Variants in LOC400499 observed in about 807,000 individuals in gnomAD.
the LOC400499 span, chr16:11,387,008 TG>T: frequency 1.1e-6 from 1 of 922,020 alleles, no homozygotes; most frequent in Non-Finnish European, 1.4e-6. Context: ...CAGTAAGCTC[TG>T]GGCCTGGCAC....
the LOC400499 span, chr16:11,411,477 C>A: frequency 7.6e-6 from 3 of 396,842 alleles, no homozygotes; most frequent in African/African-American, 2.1e-5. Flanking sequence ...TATTCACACA[C>A]CCCGAGGCCC....
the LOC400499 span, among the ~76,000 whole-genome samples, chr16:11,427,060 A>C: frequency 6.6e-6 from 1 of 150,736 alleles, no homozygotes; most frequent in South Asian, 2.1e-4. Flanking sequence ...CAAATAACAC[A>C]CATGAAGCAG....
the LOC400499 span, chr16:11,462,550 C>T: frequency 2.2e-5 from 11 of 499,490 alleles, no homozygotes; most frequent in African/African-American, 4.2e-5. Flanking sequence ...CTGCCTCAGC[C>T]TCCCTGGGAT....
the LOC400499 span, chr16:11,446,444 C>G: frequency 9.7e-7 from 1 of 1,031,638 alleles, no homozygotes; most frequent in Non-Finnish European, 1.4e-6. Flanking sequence ...AGGTGTGAGC[C>G]ACTGCACTCA....
At chr16:11,522,318 A>G in the LOC400499 span, among the ~76,000 whole-genome samples, 4 of 152,338 alleles carry the variant, frequency 2.6e-5, no homozygotes, top group Non-Finnish European at 4.4e-5. Flanking sequence ...TAAGTGCTCA[A>G]TAAGTACTAG....
the LOC400499 span, among the ~76,000 whole-genome samples, chr16:11,520,664 CAAAAAA>C: frequency 2.1e-3 from 134 of 63,158 alleles, no homozygotes; most frequent in African/African-American, 7.3e-3. Context: ...GAGACTCCAT[CAAAAAA>C]AAAAAAAAAA....
the LOC400499 span, among the ~76,000 whole-genome samples, chr16:11,470,371 G>A: frequency 6.6e-6 from 1 of 152,164 alleles, no homozygotes; most frequent in Non-Finnish European, 1.5e-5. Context: ...CGAGTACCTC[G>A]TGCTCTGGGG....
chr16:11,491,663 C>CA, the LOC400499 span: 1 of 380,866 alleles, frequency 2.6e-6, no homozygotes. Flanking sequence ...AGCCCCACCC[C>CA]TGCCCACACC....
the LOC400499 span, among the ~76,000 whole-genome samples, chr16:11,400,060 G>GAA: frequency 8.5e-3 from 1,248 of 146,104 alleles, 26 homozygotes; most frequent in African/African-American, 0.03. Context: ...GCATTTAAAT[G>GAA]AAAAAAAAAA....
chr16:11,414,335 T>C, the LOC400499 span: 3,247 of 399,328 alleles, frequency 8.1e-3, 54 homozygotes, highest in African/African-American at 0.047. Context: ...CTCCATCCAC[T>C]CCTTACCTGG....
the LOC400499 span, chr16:11,494,426 G>T: frequency 2.5e-5 from 10 of 393,282 alleles, no homozygotes; most frequent in Admixed American, 4.4e-5. Context: ...GTGAGGAGAC[G>T]GGTTGAAGTG....
chr16:11,459,887 C>T, the LOC400499 span: 1 of 1,370,282 alleles, frequency 7.3e-7, no homozygotes, highest in South Asian at 1.9e-5. Context: ...CCGCAGTGGC[C>T]AGGCTCACCT....
chr16:11,450,150 C>T, the LOC400499 span, among the ~76,000 whole-genome samples: 2 of 152,230 alleles, frequency 1.3e-5, no homozygotes, highest in South Asian at 2.1e-4. Context: ...ACAGTCCACC[C>T]ACCAGGCTCC....
chr16:11,450,441 G>C, the LOC400499 span, among the ~76,000 whole-genome samples: 31 of 152,246 alleles, frequency 2.0e-4, no homozygotes, highest in Admixed American at 3.3e-4. Flanking sequence ...ATTCTTCTAC[G>C]TCACTTAGGA....
the LOC400499 span, among the ~76,000 whole-genome samples, chr16:11,450,410 G>C: frequency 3.3e-5 from 5 of 152,310 alleles, no homozygotes; most frequent in East Asian, 7.7e-4. Context: ...GGGAAATCTA[G>C]ATTTTCTTTT....
the LOC400499 span, chr16:11,412,858 GCCAC>G: frequency 7.5e-6 from 3 of 398,994 alleles, no homozygotes; most frequent in Admixed American, 1.3e-4. Flanking sequence ...CCTGGTTCTG[GCCAC>G]GGACGTCAAG....
the LOC400499 span, among the ~76,000 whole-genome samples, chr16:11,434,215 G>A: frequency 3.9e-5 from 6 of 152,144 alleles, no homozygotes; most frequent in African/African-American, 1.4e-4. Flanking sequence ...ATAACACAAA[G>A]AATTATAATA....
the LOC400499 span, among the ~76,000 whole-genome samples, chr16:11,478,201 T>C: frequency 6.6e-6 from 1 of 150,626 alleles, no homozygotes; most frequent in African/African-American, 2.4e-5. Flanking sequence ...CTAATTTTTG[T>C]GTTTTCAGTA....
the LOC400499 span, among the ~76,000 whole-genome samples, chr16:11,406,953 A>C: frequency 6.6e-6 from 1 of 152,218 alleles, no homozygotes; most frequent in African/African-American, 2.4e-5. Context: ...TGATGAGAGG[A>C]AGGATTGATC....
Sources: allele counts gnomAD v4.1 joint callset (sites outside exome capture counted in the v4.1 genomes callset), GRCh38; gene constraint gnomAD v4.1.1; transcripts MANE v1.5.